The following RDH12 variants were observed in gnomAD, a reference collection of about 807,000 sequenced individuals.
RDH12 encodes retinol dehydrogenase 12.
Under a neutral mutation model 34.0 loss-of-function variants are expected in RDH12, and 21 were observed. The ratio of observed to expected loss-of-function variants is 0.62; its 90% confidence interval spans 0.44 to 0.89. The LOEUF is 0.89. RDH12 is among the 40% of genes least tolerant of loss of function. RDH12 has a pLI of 0.00. For missense variants in RDH12, 394 were observed against 398.6 expected (o/e 0.99, Z 0.10); for synonymous variants, 198 against 169.9 (o/e 1.17, Z -1.29).
In RDH12 at chr14:67,722,592, G is replaced by A. The variant is rs915282360; in HGVS notation, c.-51G>A. ...ACCAGGAACCTGAGCCAGAGCTGGG[G>A]TTGAAGCTGGAGCAGCAGCAAAAGC... On this transcript the variant is annotated 5_prime_UTR_variant, in exon 3 of 9. Coordinates refer to ENST00000551171, the MANE Select transcript of RDH12 (RefSeq NM_152443.3). 3.3e-6 allele frequency: 5 copies of A among 1,517,618 alleles called. No individual in the cohort carries two copies. Among genetic ancestry groups the A allele is most frequent in the Non-Finnish European group, 3.7e-6 (4 of 1,092,176 alleles). The allele number at this position is 1,517,618 out of a possible 1,614,324, so 94.0% of individuals were successfully genotyped here. A position where few individuals can be genotyped will look rare whatever the true frequency, so the allele number is the denominator to read the frequency against.
At chr14:67,714,002 T>C (rs2038040195) in intron 1 of RDH12, among the ~76,000 whole-genome samples, 1 of 152,216 alleles carries the variant, frequency 6.6e-6, no homozygotes, top group Non-Finnish European at 1.5e-5. Flanking sequence ...GAGGCAGGTT[T>C]GCCCTAAACA....
At chr14:67,710,639 C>T (rs1290104984) in intron 1 of RDH12, among the ~76,000 whole-genome samples, 1 of 151,784 alleles carries the variant, frequency 6.6e-6, no homozygotes, top group East Asian at 1.9e-4. Context: ...TCTTTTATTT[C>T]CTGGTTCCTT....
In RDH12 at chr14:67,734,078, A is replaced by C. The variant is rs1453421086; in HGVS notation, c.*230A>C. ...TAGAGTGTTCTTCTCTAAGACCTGGAAAGTCAGCAACCCTCTGGGGGCAGC... is the reference window on the plus strand; with the variant it reads ...TAGAGTGTTCTTCTCTAAGACCTGGCAAGTCAGCAACCCTCTGGGGGCAGC... On this transcript the variant is annotated 3_prime_UTR_variant, in exon 9 of 9. Transcript: ENST00000551171. 3 of 405,086 alleles carry C rather than the reference A, an allele frequency of 7.4e-6. No homozygotes were observed. The highest frequency in any genetic ancestry group is 1.4e-5 in the Non-Finnish European group (3 of 210,546). 25.1% of individuals were successfully genotyped at this position (405,086 alleles called of 1,614,324 possible). A position where few individuals can be genotyped will look rare whatever the true frequency, so the allele number is the denominator to read the frequency against.
chr14:67,724,418 T>A, intron 3 of RDH12, 55 bp from the exon 4 acceptor site: 1 of 1,122,884 alleles, frequency 8.9e-7, no homozygotes, highest in Non-Finnish European at 1.3e-6. Context: ...TTAACGTATC[T>A]TAGTGTGAGC....
chr14:67,702,513 G>A (rs1205104248), intron 1 of RDH12, among the ~76,000 whole-genome samples: 2 of 152,060 alleles, frequency 1.3e-5, no homozygotes, highest in Admixed American at 1.3e-4. Flanking sequence ...TCCTGACCCT[G>A]TAAAATATTT....
At chr14:67,714,522 C>G (rs1380274774) in intron 1 of RDH12, 1 of 155,004 alleles carries the variant, frequency 6.5e-6, no homozygotes, top group Non-Finnish European at 1.4e-5. Flanking sequence ...GAAGGAACTG[C>G]CGTCTTCCAG....
rs1369324531 is a variant in RDH12 at position 67,725,266 on chromosome 14, A to G, written c.343+12A>G. The stretch of plus-strand genomic sequence containing the variant: ...GGGCTTTCTGGCAGGTGAGGTCCTG[A>G]TGGGTAGGTAGAAAAGCAGGAAATT... On this transcript the variant is annotated intron_variant, in intron 5 of 8. Coordinates refer to ENST00000551171, the MANE Select transcript of RDH12 (RefSeq NM_152443.3). 5 of 1,612,370 alleles carry G rather than the reference A, an allele frequency of 3.1e-6. No individual in the cohort carries two copies. The highest frequency in any genetic ancestry group is 4.2e-6 in the Non-Finnish European group (5 of 1,179,922).
chr14:67,711,396 T>C (rs1475058678), intron 1 of RDH12, among the ~76,000 whole-genome samples: 1 of 152,222 alleles, frequency 6.6e-6, no homozygotes. Flanking sequence ...ATTTCTAATA[T>C]TACTTTACCA....
chr14:67,709,946 G>T (rs1310654661), intron 1 of RDH12, among the ~76,000 whole-genome samples: 2 of 152,218 alleles, frequency 1.3e-5, no homozygotes, highest in Non-Finnish European at 2.9e-5. Context: ...TGCTCACTGA[G>T]ATAGATACAT....
chr14:67,720,475 T>C (rs2038112080), intron 1 of RDH12, among the ~76,000 whole-genome samples: 1 of 152,230 alleles, frequency 6.6e-6, no homozygotes, highest in African/African-American at 2.4e-5. Context: ...GTTTCATTTC[T>C]CATACTTACG....
At chr14:67,729,147 G>A in intron 7 of RDH12, 44 bp from the exon 8 acceptor site, 1 of 1,595,034 alleles carries the variant, frequency 6.3e-7, no homozygotes. Context: ...GTTTTCCTGG[G>A]CTCAGAGTGT....
chr14:67,724,874 C>T (rs1057504895), intron 4 of RDH12, among the ~76,000 whole-genome samples: 3 of 152,130 alleles, frequency 2.0e-5, no homozygotes, highest in Non-Finnish European at 4.4e-5. Flanking sequence ...CATTAAATAT[C>T]AGAATGTAAA....
chr14:67,729,424 G>A, intron 8 of RDH12, 44 bp downstream of exon 8: 1 of 1,567,194 alleles, frequency 6.4e-7, no homozygotes, highest in Non-Finnish European at 8.7e-7. Flanking sequence ...TGTGTGCATG[G>A]GAGGTGCCGG....
At chr14:67,726,867 A>C in intron 6 of RDH12, 114 bp from the exon 7 acceptor site, 1 of 876,542 alleles carries the variant, frequency 1.1e-6, no homozygotes, top group Non-Finnish European at 1.8e-6. Flanking sequence ...CATGGCATCA[A>C]AATTGGTTCA....
intron 1 of RDH12, among the ~76,000 whole-genome samples, chr14:67,713,042 A>T (rs1344732076): frequency 2.0e-5 from 3 of 152,162 alleles, no homozygotes; most frequent in Non-Finnish European, 4.4e-5. Context: ...GATGAAACCC[A>T]ACAGGAAAAA....
chr14:67,702,994 T>C (rs1482007942), intron 1 of RDH12, among the ~76,000 whole-genome samples: 1 of 152,046 alleles, frequency 6.6e-6, no homozygotes, highest in African/African-American at 2.4e-5. Flanking sequence ...AAAAAAGTTT[T>C]TTTTTTGTAG....
At chr14:67,708,639 A>G (rs1341848320) in intron 1 of RDH12, among the ~76,000 whole-genome samples, 1 of 152,202 alleles carries the variant, frequency 6.6e-6, no homozygotes, top group East Asian at 1.9e-4. Flanking sequence ...GGAGTTTCCC[A>G]TGATTTTGGA....
At chr14:67,725,802 T>C (rs1215072326) in intron 5 of RDH12, among the ~76,000 whole-genome samples, 2 of 152,178 alleles carry the variant, frequency 1.3e-5, no homozygotes, top group African/African-American at 4.8e-5. Context: ...GTAACTAAAA[T>C]TACTCATTAG....
intron 1 of RDH12, among the ~76,000 whole-genome samples, chr14:67,714,322 T>A (rs1353826155): frequency 1.3e-5 from 2 of 152,024 alleles, no homozygotes; most frequent in African/African-American, 4.8e-5. Context: ...ATTTTTTTAG[T>A]AGAGCTGAGA....
Sources: gnomAD v4.1 joint callset for allele counts (sites outside exome capture counted in the v4.1 genomes callset) on GRCh38, gnomAD v4.1.1 for gene constraint, MANE v1.5 for transcripts, NCBI Gene and HGNC (gene_info 2026-07-23, HGNC 2026-07-21) for gene names.